Variants in MAP4K3 observed in about 807,000 individuals in gnomAD.
MAP4K3 encodes the protein mitogen-activated protein kinase kinase kinase kinase 3.
MAP4K3 carries 94 observed loss-of-function variants against 143.5 expected under a neutral mutation model. That is an observed-to-expected ratio of 0.65 (90% CI 0.55 to 0.78). MAP4K3 has a LOEUF of 0.78. MAP4K3 is among the 30% of genes least tolerant of loss of function. MAP4K3 has a pLI of 0.00. For synonymous variants in MAP4K3, 416 were observed against 347.2 expected, an observed-to-expected ratio of 1.20 and a Z score of -2.20; for missense variants, 1,077 against 1,068.1, an observed-to-expected ratio of 1.01 and a Z score of -0.12.
chr2:39,301,102 A>T (rs893423116), intron 15 of MAP4K3, among the ~76,000 whole-genome samples: 1 of 152,326 alleles, frequency 6.6e-6, no homozygotes, highest in East Asian at 1.9e-4. Flanking sequence ...AGAGAGAAGC[A>T]CTTTAAAATT....
intron 4 of MAP4K3, among the ~76,000 whole-genome samples, chr2:39,342,105 CTAGTATTATTATTAT>C (rs1665158536): frequency 7.3e-6 from 1 of 136,298 alleles, no homozygotes; most frequent in African/African-American, 2.9e-5. Flanking sequence ...CTTTGTCTTT[CTAGTATTATTATTAT>C]TATTATTATT....
intron 1 of MAP4K3, among the ~76,000 whole-genome samples, chr2:39,382,861 C>T (rs1185135664): frequency 1.3e-5 from 2 of 152,068 alleles, no homozygotes; most frequent in Non-Finnish European, 2.9e-5. Context: ...AAAGGTATTA[C>T]AGGAATGATG....
At chr2:39,286,770 G>A (rs975969211) in intron 21 of MAP4K3, 82 bp downstream of exon 21, 4 of 642,286 alleles carry the variant, frequency 6.2e-6, no homozygotes, top group Non-Finnish European at 1.0e-5. Flanking sequence ...GTGCTATAGT[G>A]TCACTAATTG....
At position 39,356,329 on chromosome 2, in the gene MAP4K3, A is replaced by C; in HGVS notation, c.165T>G (p.Phe55Leu). The C allele has an allele frequency of 6.3e-7, 1 of 1,583,864 alleles. No homozygotes were observed. Among genetic ancestry groups the C allele is most frequent in the Non-Finnish European group, 8.6e-7 (1 of 1,159,878 alleles). The change falls in exon 3 of 34, where the codon TTT becomes TTG. Residue 55 changes from phenylalanine (F) to leucine (L), a missense_variant. By Grantham distance (22) the Phe-to-Leu change is conservative. Around this residue, in one of 2 missense-constraint regions of MAP4K3, gnomAD observed 213 missense variants for 266.8 expected, o/e 0.80. Coordinates refer to ENST00000263881, the MANE Select transcript of MAP4K3 (RefSeq NM_003618.4). ...TAATAATTTCTTGCTGCACAACTGC[A>C]AAGTCTTCTCCTGGAATAAAAAACA... ...KVIKLEPGED[F>L]AVVQQEIIMM... is the part of the protein sequence containing the mutation.
chr2:39,303,701 G>A (rs1254992860), intron 15 of MAP4K3, among the ~76,000 whole-genome samples: 4 of 152,108 alleles, frequency 2.6e-5, no homozygotes, highest in Admixed American at 2.6e-4. Context: ...ACCATGCCCA[G>A]CTAATTTCTG....
chr2:39,296,475 G>A (rs1309644645), intron 16 of MAP4K3, among the ~76,000 whole-genome samples: 1 of 152,178 alleles, frequency 6.6e-6, no homozygotes, highest in African/African-American at 2.4e-5. Flanking sequence ...GCTTTCAGAT[G>A]CTGAATTCTA....
intron 1 of MAP4K3, among the ~76,000 whole-genome samples, chr2:39,387,490 T>C (rs1259392201): frequency 6.6e-6 from 1 of 152,218 alleles, no homozygotes; most frequent in East Asian, 1.9e-4. Flanking sequence ...TGGCTAGTGA[T>C]AACTGCATTA....
chr2:39,342,068 C>T (rs751578385), intron 4 of MAP4K3, among the ~76,000 whole-genome samples: 28 of 151,608 alleles, frequency 1.8e-4, no homozygotes, highest in Non-Finnish European at 3.5e-4. Context: ...GTTACTGTGC[C>T]AAGGCTTCAT....
At chr2:39,418,490 G>A (rs896114510) in intron 1 of MAP4K3, among the ~76,000 whole-genome samples, 1 of 152,072 alleles carries the variant, frequency 6.6e-6, no homozygotes, top group Admixed American at 6.5e-5. Flanking sequence ...CTTACCTCTT[G>A]AGTGTGGCGC....
At chr2:39,373,783 A>G (rs1329946828) in intron 2 of MAP4K3, among the ~76,000 whole-genome samples, 1 of 152,222 alleles carries the variant, frequency 6.6e-6, no homozygotes, top group African/African-American at 2.4e-5. Context: ...TGGTTACCAT[A>G]GGCTGGGAAG....
intron 1 of MAP4K3, among the ~76,000 whole-genome samples, chr2:39,417,609 G>C (rs1259077237): frequency 6.6e-6 from 1 of 152,188 alleles, no homozygotes; most frequent in Admixed American, 6.5e-5. Flanking sequence ...ATTAGATCAA[G>C]AGATATCAGT....
chr2:39,401,025 C>T (rs1666939668), intron 1 of MAP4K3, among the ~76,000 whole-genome samples: 1 of 152,110 alleles, frequency 6.6e-6, no homozygotes, highest in Admixed American at 6.5e-5. Context: ...TAAAATCCTA[C>T]AGAGTTTTAC....
chr2:39,275,966 G>A (rs1265528278), intron 24 of MAP4K3, among the ~76,000 whole-genome samples: 5 of 152,034 alleles, frequency 3.3e-5, no homozygotes, highest in African/African-American at 7.2e-5. Context: ...TCCGCCTCCC[G>A]GGTTTAAGTG....
rs70954799 is a variant in MAP4K3, at chr2:39,268,634, A to ATTTT, written c.1974-1391_1974-1388dup. Among the ~76,000 whole-genome samples the ATTTT allele has an allele frequency of 1.4e-3, 100 of 73,786 alleles. 13 individuals carry two copies. The highest frequency in any genetic ancestry group is 2.1e-3 in the African/African-American group (41 of 19,080). The allele number at this position is 73,786 out of a possible 152,430, so 48.4% of individuals were successfully genotyped here. ...CTGTGCCCGGCTAAAGATTTTTTCT[A>ATTTT]TTTTTTTTTTTTTTTTTTTTTTTGA... On this transcript the variant is annotated intron_variant, in intron 26 of 33. Transcript: ENST00000263881.
chr2:39,415,217 T>C (rs369815178), intron 1 of MAP4K3, among the ~76,000 whole-genome samples: 62 of 152,354 alleles, frequency 4.1e-4, no homozygotes, highest in African/African-American at 1.3e-3. Context: ...TTTAAAAGTA[T>C]GTACTACAAC....
intron 7 of MAP4K3, 85 bp from the exon 8 acceptor site, chr2:39,332,074 A>C: frequency 2.9e-6 from 2 of 678,540 alleles, no homozygotes; most frequent in Non-Finnish European, 2.4e-6. Flanking sequence ...TTTAAAAGTT[A>C]TTTTTATTAA....
chr2:39,304,409 T>TA (rs1682619606), intron 15 of MAP4K3, among the ~76,000 whole-genome samples: 1 of 152,250 alleles, frequency 6.6e-6, no homozygotes, highest in African/African-American at 2.4e-5. Flanking sequence ...CTCAGGCTTT[T>TA]AGTGGCCAGC....
intron 1 of MAP4K3, among the ~76,000 whole-genome samples, chr2:39,433,666 A>C (rs1665363055): frequency 6.6e-6 from 1 of 152,160 alleles, no homozygotes; most frequent in Non-Finnish European, 1.5e-5. Flanking sequence ...TAAGCCTATT[A>C]ATTTCAGAGC....
intron 1 of MAP4K3, among the ~76,000 whole-genome samples, chr2:39,395,326 CAT>C (rs919733947): frequency 2.8e-5 from 1 of 35,092 alleles, no homozygotes; most frequent in African/African-American, 1.1e-4. Flanking sequence ...TGCACGTACA[CAT>C]ACACACACAC....
Sources: gnomAD v4.1 joint callset for allele counts (sites outside exome capture counted in the v4.1 genomes callset) on GRCh38, gnomAD v4.1.1 for gene constraint, gnomAD v4.1.1 regional missense constraint, MANE v1.5 for transcripts, NCBI Gene and HGNC (gene_info 2026-07-23, HGNC 2026-07-21) for gene names.